Variants in PHF21B observed in about 807,000 individuals in gnomAD.
The protein encoded by PHF21B is PHD finger protein 21B.
Under a neutral mutation model 62.2 loss-of-function variants are expected in PHF21B, and 22 were observed. The observed-to-expected ratio is 0.35, with a 90% confidence interval of 0.25 to 0.51. PHF21B has a LOEUF of 0.51. Among genes scored for constraint, PHF21B ranks in the 20% least tolerant of loss-of-function variants. The pLI is 0.97. For synonymous variants in PHF21B, 341 were observed against 314.7 expected, an observed-to-expected ratio of 1.08 and a Z score of -0.88; for missense variants, 701 against 707.9, an observed-to-expected ratio of 0.99 and a Z score of 0.11.
chr22:44,941,826 ATT>A (rs1308593120), intron 2 of PHF21B, among the ~76,000 whole-genome samples: 3 of 152,128 alleles, frequency 2.0e-5, no homozygotes, highest in African/African-American at 7.2e-5. Flanking sequence ...GCCACCTGCC[ATT>A]GATTCATTCA....
chr22:44,897,595 T>C (rs1448533793), intron 5 of PHF21B, among the ~76,000 whole-genome samples: 2 of 152,158 alleles, frequency 1.3e-5, no homozygotes, highest in African/African-American at 4.8e-5. Flanking sequence ...TGTGAGTCAA[T>C]ATTTCCTTGT....
chr22:44,978,061 A>C (rs2072771184), intron 2 of PHF21B, among the ~76,000 whole-genome samples: 1 of 152,082 alleles, frequency 6.6e-6, no homozygotes. Flanking sequence ...ATTATCCATC[A>C]GTGGTGGCCA....
At chr22:44,901,680 TA>T in intron 5 of PHF21B, 4 of 515,464 alleles carry the variant, frequency 7.8e-6, no homozygotes, top group Non-Finnish European at 6.2e-6. Context: ...ACCTCAAAGC[TA>T]AAAAGCCCAA....
chr22:44,887,901 T>C (rs1370406445), intron 10 of PHF21B, 62 bp downstream of exon 10: 3 of 1,362,056 alleles, frequency 2.2e-6, no homozygotes, highest in Admixed American at 7.2e-5. Flanking sequence ...CTGCCCTGTC[T>C]CTGCCTACGG....
chr22:44,978,151 T>A (rs976247395), intron 2 of PHF21B, among the ~76,000 whole-genome samples: 5 of 152,112 alleles, frequency 3.3e-5, no homozygotes, highest in African/African-American at 9.7e-5. Context: ...CTATGGGAAA[T>A]ACCTACAAGT....
At chr22:44,974,278 G>A (rs1203118294) in intron 2 of PHF21B, among the ~76,000 whole-genome samples, 1 of 152,126 alleles carries the variant, frequency 6.6e-6, no homozygotes, top group Non-Finnish European at 1.5e-5. Flanking sequence ...GCTGGGCATG[G>A]TGGCGGATGC....
At chr22:44,949,491 T>C (rs1275879664) in intron 2 of PHF21B, among the ~76,000 whole-genome samples, 4 of 152,178 alleles carry the variant, frequency 2.6e-5, no homozygotes, top group African/African-American at 9.7e-5. Context: ...CCACTTTATC[T>C]GCCGACTTGA....
intron 2 of PHF21B, among the ~76,000 whole-genome samples, chr22:44,986,128 CCAG>C (rs1369000397): frequency 1.7e-4 from 26 of 150,666 alleles, no homozygotes; most frequent in Admixed American, 5.3e-4. Flanking sequence ...ACAACCATCA[CCAG>C]CAGCAGCACC....
At chr22:44,972,284 G>A (rs1219467583) in intron 2 of PHF21B, among the ~76,000 whole-genome samples, 1 of 152,244 alleles carries the variant, frequency 6.6e-6, no homozygotes, top group East Asian at 1.9e-4. Flanking sequence ...AGGTGATTAA[G>A]GAGGACGTTT....
chr22:44,931,219 C>T (rs972218030), intron 2 of PHF21B, among the ~76,000 whole-genome samples: 6 of 152,182 alleles, frequency 3.9e-5, no homozygotes, highest in East Asian at 3.9e-4. Flanking sequence ...CATGACCACC[C>T]GAAGAGTCAC....
chr22:45,008,901 A>C, intron 1 of PHF21B: 1 of 1,151,294 alleles, frequency 8.7e-7, no homozygotes. Flanking sequence ...TGCGTGTGCG[A>C]GTGAGTGTGA....
intron 2 of PHF21B, among the ~76,000 whole-genome samples, chr22:44,991,288 C>T (rs1192011672): frequency 3.3e-5 from 5 of 152,178 alleles, no homozygotes; most frequent in Non-Finnish European, 5.9e-5. Flanking sequence ...GCAGTCTGGC[C>T]ACTCCACGGT....
intron 5 of PHF21B, among the ~76,000 whole-genome samples, chr22:44,899,858 A>T (rs1156998106): frequency 6.6e-6 from 1 of 152,136 alleles, no homozygotes; most frequent in East Asian, 1.9e-4. Context: ...TGCAATGCCA[A>T]ATTCTCTTAT....
chr22:44,909,530 T>C (rs1304863349), intron 5 of PHF21B, among the ~76,000 whole-genome samples: 1 of 152,266 alleles, frequency 6.6e-6, no homozygotes, highest in Admixed American at 6.5e-5. Flanking sequence ...TTTTTAGACA[T>C]GTCGAAGGAC....
chr22:44,913,108 G>A (rs985348931), intron 5 of PHF21B, among the ~76,000 whole-genome samples: 14 of 152,138 alleles, frequency 9.2e-5, no homozygotes, highest in Non-Finnish European at 1.6e-4. Context: ...CATCCACTAT[G>A]TATTTGGATG....
intron 5 of PHF21B, among the ~76,000 whole-genome samples, chr22:44,912,686 G>A (rs1353619145): frequency 6.6e-6 from 1 of 151,858 alleles, no homozygotes; most frequent in Non-Finnish European, 1.5e-5. Context: ...TCAGCAGCAT[G>A]AAAACGGACT....
intron 2 of PHF21B, among the ~76,000 whole-genome samples, chr22:44,973,490 G>A (rs1179987163): frequency 6.6e-6 from 1 of 152,222 alleles, no homozygotes; most frequent in Non-Finnish European, 1.5e-5. Context: ...GCTGGAGCCA[G>A]GAACTGGGAG....
chr22:44,958,150 A>G (rs911771599), intron 2 of PHF21B, among the ~76,000 whole-genome samples: 1 of 152,066 alleles, frequency 6.6e-6, no homozygotes, highest in Admixed American at 6.5e-5. Context: ...TGATCTGCCC[A>G]CCTTGGCCTC....
intron 2 of PHF21B, among the ~76,000 whole-genome samples, chr22:44,966,845 CG>C (rs1569261053): frequency 6.6e-6 from 1 of 152,162 alleles, no homozygotes; most frequent in African/African-American, 2.4e-5. Context: ...TGCCCACACT[CG>C]AGTTAGTGCA....
Sources: gnomAD v4.1 joint callset for allele counts (sites outside exome capture counted in the v4.1 genomes callset) on GRCh38, gnomAD v4.1.1 for gene constraint, MANE v1.5 for transcripts, NCBI Gene and HGNC (gene_info 2026-07-23, HGNC 2026-07-21) for gene names.